KCNIP4: variants seen among roughly 807,000 people sequenced by gnomAD.
The protein encoded by KCNIP4 is potassium voltage-gated channel interacting protein 4, also known as Kv channel-interacting protein 4.
In KCNIP4, 12 loss-of-function variants were observed where a neutral mutation model predicts 34.0. The observed-to-expected ratio is 0.35, with a 90% CI of 0.23 to 0.57. KCNIP4 has a LOEUF of 0.57. KCNIP4 is among the 20% of genes least tolerant of loss of function. The pLI, the probability that KCNIP4 is intolerant of heterozygous loss-of-function variation, is 0.83. For synonymous variants in KCNIP4, 124 were observed against 102.2 expected, an observed-to-expected ratio of 1.21 and a Z score of -1.29; for missense variants, 238 against 311.7, an observed-to-expected ratio of 0.76 and a Z score of 1.78.
chr4:20,968,788 G>C (rs990491950), intron 1 of KCNIP4, among the ~76,000 whole-genome samples: 1 of 145,598 alleles, frequency 6.9e-6, no homozygotes, highest in African/African-American at 2.6e-5. Flanking sequence ...GGGGTGGGGG[G>C]CTGGGGGAGG....
intron 1 of KCNIP4, among the ~76,000 whole-genome samples, chr4:20,992,744 T>C (rs1737192097): frequency 6.6e-6 from 1 of 151,912 alleles, no homozygotes; most frequent in Non-Finnish European, 1.5e-5. Context: ...AAGCACAGAG[T>C]AGGCCGAACA....
At chr4:20,783,824 A>G (rs909570958) in intron 3 of KCNIP4, among the ~76,000 whole-genome samples, 1 of 152,202 alleles carries the variant, frequency 6.6e-6, no homozygotes, top group Non-Finnish European at 1.5e-5. Flanking sequence ...AATTTTTTAT[A>G]TTATCTAGTA....
chr4:21,548,139 A>G (rs1418282910), intron 1 of KCNIP4, among the ~76,000 whole-genome samples: 1 of 152,178 alleles, frequency 6.6e-6, no homozygotes, highest in African/African-American at 2.4e-5. Context: ...CAAGGAGCAC[A>G]GCAGTGTCAC....
At chr4:21,104,051 C>T (rs201032876) in intron 1 of KCNIP4, among the ~76,000 whole-genome samples, 1 of 151,580 alleles carries the variant, frequency 6.6e-6, no homozygotes, top group Non-Finnish European at 1.5e-5. Flanking sequence ...ACATACATGT[C>T]CTTGTCTCTT....
chr4:21,698,138 G>A (rs1415572271), intron 1 of KCNIP4, among the ~76,000 whole-genome samples: 1 of 152,156 alleles, frequency 6.6e-6, no homozygotes, highest in Admixed American at 6.5e-5. Context: ...ACCACCAAAT[G>A]GGGACAATGC....
intron 1 of KCNIP4, among the ~76,000 whole-genome samples, chr4:20,977,470 C>G (rs1381653253): frequency 6.6e-6 from 1 of 152,140 alleles, no homozygotes; most frequent in Non-Finnish European, 1.5e-5. Context: ...GGTGTGTTTC[C>G]TGATGATATT....
chr4:20,795,946 A>G (rs1225378260), intron 3 of KCNIP4, among the ~76,000 whole-genome samples: 1 of 152,182 alleles, frequency 6.6e-6, no homozygotes, highest in East Asian at 1.9e-4. Flanking sequence ...TCCATAAATA[A>G]TGGCATTGTA....
chr4:21,793,634 C>T (rs573250537), intron 1 of KCNIP4, among the ~76,000 whole-genome samples: 49 of 152,170 alleles, frequency 3.2e-4, no homozygotes, highest in African/African-American at 8.9e-4. Context: ...AGACAGAGTT[C>T]AGAAAAGAAA....
intron 1 of KCNIP4, among the ~76,000 whole-genome samples, chr4:21,941,272 C>T (rs988638331): frequency 6.6e-6 from 1 of 151,956 alleles, no homozygotes; most frequent in African/African-American, 2.4e-5. Context: ...TAACAATGTA[C>T]AAACAGCACA....
At chr4:21,569,520 G>A (rs1036553278) in intron 1 of KCNIP4, among the ~76,000 whole-genome samples, 4 of 151,906 alleles carry the variant, frequency 2.6e-5, no homozygotes, top group African/African-American at 9.7e-5. Context: ...TCCTCACATA[G>A]CAAAGGAGGT....
rs1294684131 is a variant in KCNIP4 at position 21,180,751 on chromosome 4, G to C, written c.62-298042C>G. Among the ~76,000 whole-genome samples, 12 of 150,260 alleles carry C rather than the reference G, an allele frequency of 8.0e-5. No homozygotes were observed. The Admixed American group carries it at 8.0e-4, about 10-fold the overall frequency. Reference sequence around the variant, plus strand: ...ATAGTGTATTTGTGTATATATATTTGTGTATATATGTGTACATTTAGTATA... The same window carrying C: ...ATAGTGTATTTGTGTATATATATTTCTGTATATATGTGTACATTTAGTATA... On this transcript the variant is annotated intron_variant, in intron 1 of 8. Coordinates refer to ENST00000382152, the MANE Select transcript of KCNIP4 (RefSeq NM_025221.6).
chr4:21,905,090 G>A (rs760072291), intron 1 of KCNIP4, among the ~76,000 whole-genome samples: 3 of 152,148 alleles, frequency 2.0e-5, no homozygotes, highest in Admixed American at 6.6e-5. Flanking sequence ...TCAAAGAGGA[G>A]CCAGATTTTT....
At chr4:21,220,741 C>T (rs976589068) in intron 1 of KCNIP4, among the ~76,000 whole-genome samples, 1 of 152,056 alleles carries the variant, frequency 6.6e-6, no homozygotes, top group Admixed American at 6.6e-5. Flanking sequence ...ATTATTTTAG[C>T]TGCTGAATTA....
intron 1 of KCNIP4, among the ~76,000 whole-genome samples, chr4:21,544,229 G>A (rs1001708813): frequency 1.3e-5 from 2 of 150,448 alleles, no homozygotes; most frequent in African/African-American, 4.9e-5. Flanking sequence ...CAGCCTATGA[G>A]AAATTCTCTC....
chr4:21,494,380 A>T (rs1732667186), intron 1 of KCNIP4, among the ~76,000 whole-genome samples: 1 of 152,188 alleles, frequency 6.6e-6, no homozygotes, highest in African/African-American at 2.4e-5. Context: ...AATGGGAAAA[A>T]AAAAGATCTA....
At chr4:21,691,256 G>A (rs1254386906) in intron 1 of KCNIP4, among the ~76,000 whole-genome samples, 1 of 152,144 alleles carries the variant, frequency 6.6e-6, no homozygotes, top group Non-Finnish European at 1.5e-5. Context: ...GGAGGAAAAT[G>A]AGACCAGCAT....
intron 1 of KCNIP4, among the ~76,000 whole-genome samples, chr4:21,616,881 G>A (rs1471375656): frequency 2.0e-5 from 3 of 152,102 alleles, no homozygotes; most frequent in Non-Finnish European, 4.4e-5. Context: ...TTATAAATAA[G>A]ATTACATCTT....
rs869204752 is a variant in KCNIP4 at position 21,820,285 on chromosome 4, GTA to G, written c.61+128284_61+128285del. ...GTATATCTTATGTATGTGTGTGTGT[GTA>G]TATATATATATATATATATATATAT... On this transcript the variant is annotated intron_variant, in intron 1 of 8. Transcript: ENST00000382152. Among the ~76,000 whole-genome samples the G allele has an allele frequency of 9.1e-3, 187 of 20,608 alleles. No homozygotes were observed. In the South Asian group the frequency reaches 0.12, roughly 14 times the overall value. 13.5% of individuals were successfully genotyped at this position (20,608 alleles called of 152,430 possible).
At chr4:20,896,576 C>T (rs1726553830) in intron 1 of KCNIP4, among the ~76,000 whole-genome samples, 1 of 152,032 alleles carries the variant, frequency 6.6e-6, no homozygotes, top group South Asian at 2.1e-4. Flanking sequence ...CCAAGAAATG[C>T]CAAGGATTTC....
Sources: allele counts gnomAD v4.1 joint callset (sites outside exome capture counted in the v4.1 genomes callset), GRCh38; gene constraint gnomAD v4.1.1; transcripts MANE v1.5; gene names NCBI Gene and HGNC (gene_info 2026-07-23, HGNC 2026-07-21).